CDKL4: variants seen among roughly 807,000 people sequenced by gnomAD.
The protein encoded by CDKL4 is cyclin-dependent kinase-like 4.
Under a neutral mutation model 42.0 loss-of-function variants are expected in CDKL4, and 44 were observed. The observed-to-expected ratio is 1.05, with a 90% CI of 0.82 to 1.35. The LOEUF is 1.35. CDKL4 is among the 40% of genes most tolerant of loss of function. CDKL4 has a pLI of 0.00. For missense variants in CDKL4, 393 were observed against 369.9 expected (o/e 1.06, Z -0.51); for synonymous variants, 120 against 121.6 (o/e 0.99, Z 0.09).
upstream of CDKL4, among the ~76,000 whole-genome samples, chr2:39,246,295 T>A (rs1397214581): frequency 1.3e-5 from 2 of 152,332 alleles, no homozygotes; most frequent in East Asian, 3.9e-4. Flanking sequence ...CCAAATACAC[T>A]TCCACTAAAG....
chr2:39,221,743 G>C (rs985545872), intron 3 of CDKL4, among the ~76,000 whole-genome samples: 10 of 152,236 alleles, frequency 6.6e-5, no homozygotes, highest in Non-Finnish European at 1.5e-4. Context: ...CAGAGGAGTT[G>C]CTTGAACATG....
chr2:39,219,757 G>A (rs1029605417), intron 3 of CDKL4, among the ~76,000 whole-genome samples: 2 of 152,096 alleles, frequency 1.3e-5, no homozygotes, highest in African/African-American at 2.4e-5. Context: ...GAGGCCATCT[G>A]GAATAAAATG....
intron 3 of CDKL4, among the ~76,000 whole-genome samples, chr2:39,220,856 G>T (rs1976594): frequency 2.6e-5 from 4 of 151,436 alleles, no homozygotes; most frequent in East Asian, 2.0e-4. Context: ...CAAAGTGCTG[G>T]GATTACAGGC....
At chr2:39,244,447 C>G (rs970527664), upstream of CDKL4, among the ~76,000 whole-genome samples, 4 of 152,208 alleles carry the variant, frequency 2.6e-5, no homozygotes, top group South Asian at 2.1e-4. Flanking sequence ...TGTAATGGGT[C>G]CCCCAGCAGT....
chr2:39,174,013 A>G (rs1404472188), downstream of CDKL4, among the ~76,000 whole-genome samples: 1 of 151,734 alleles, frequency 6.6e-6, no homozygotes, highest in African/African-American at 2.4e-5. Flanking sequence ...CAAATCTGAA[A>G]AGGCATATTC....
chr2:39,201,978 T>A (rs557625096), intron 5 of CDKL4, among the ~76,000 whole-genome samples: 62 of 152,206 alleles, frequency 4.1e-4, no homozygotes, highest in Middle Eastern at 3.4e-3. Flanking sequence ...ACACATGTAA[T>A]CCCAGCACTT....
intron 9 of CDKL4, 62 bp from the exon 10 acceptor site, chr2:39,176,158 T>C: frequency 2.4e-6 from 1 of 416,002 alleles, no homozygotes; most frequent in Non-Finnish European, 4.9e-6. Context: ...TTTGTACAGT[T>C]TGATTGAAAG....
intron 1 of CDKL4, among the ~76,000 whole-genome samples, chr2:39,237,463 A>G (rs1679433212): frequency 6.6e-6 from 1 of 152,208 alleles, no homozygotes; most frequent in Non-Finnish European, 1.5e-5. Context: ...AAGACTGGAA[A>G]AAAGATGTTT....
At chr2:39,221,826 C>T (rs1440885412) in intron 3 of CDKL4, among the ~76,000 whole-genome samples, 1 of 152,180 alleles carries the variant, frequency 6.6e-6, no homozygotes, top group East Asian at 1.9e-4. Flanking sequence ...TTTTCAAAGC[C>T]CAAATGCTGC....
intron 5 of CDKL4, among the ~76,000 whole-genome samples, chr2:39,199,529 T>C (rs1319133244): frequency 2.6e-5 from 4 of 151,592 alleles, no homozygotes; most frequent in Non-Finnish European, 5.9e-5. Context: ...GAAAAGGACA[T>C]AACAAAAAAA....
At chr2:39,174,989 G>A (rs746543718), downstream of CDKL4, among the ~76,000 whole-genome samples, 2 of 152,038 alleles carry the variant, frequency 1.3e-5, no homozygotes, top group Non-Finnish European at 2.9e-5. Context: ...AAGTTTGGTT[G>A]GGAAAATATC....
chr2:39,201,820 T>C (rs1284151743), intron 5 of CDKL4, among the ~76,000 whole-genome samples: 1 of 152,056 alleles, frequency 6.6e-6, no homozygotes, highest in African/African-American at 2.4e-5. Flanking sequence ...ACAATGGACT[T>C]TGGGGACTCA....
chr2:39,191,520 A>C (rs1455962202), intron 5 of CDKL4, among the ~76,000 whole-genome samples: 1 of 152,252 alleles, frequency 6.6e-6, no homozygotes. Flanking sequence ...GTGAGAAAAT[A>C]GATTTCTGTT....
At chr2:39,174,972 G>A (rs754055886), downstream of CDKL4, among the ~76,000 whole-genome samples, 14 of 152,132 alleles carry the variant, frequency 9.2e-5, no homozygotes, top group Non-Finnish European at 2.9e-5. Context: ...ATATACGTAT[G>A]TATGTCAAGT....
At chr2:39,190,231 T>C in intron 6 of CDKL4, 74 bp downstream of exon 6, 1 of 983,658 alleles carries the variant, frequency 1.0e-6, no homozygotes, top group Non-Finnish European at 1.4e-6. Context: ...TTTTATTTAT[T>C]TATTTTTTAT....
intron 5 of CDKL4, among the ~76,000 whole-genome samples, chr2:39,196,991 G>T (rs759834332): frequency 2.0e-5 from 3 of 152,082 alleles, no homozygotes; most frequent in Non-Finnish European, 2.9e-5. Context: ...CTCTGAATTG[G>T]CAGAAAAAGA....
chr2:39,203,643 C>G (rs1676986708), intron 5 of CDKL4, among the ~76,000 whole-genome samples: 1 of 152,120 alleles, frequency 6.6e-6, no homozygotes, highest in South Asian at 2.1e-4. Flanking sequence ...TAAACATTTT[C>G]CGATGCCACT....
chr2:39,198,726 C>T (rs1676669791), intron 5 of CDKL4, among the ~76,000 whole-genome samples: 1 of 152,124 alleles, frequency 6.6e-6, no homozygotes, highest in South Asian at 2.1e-4. Flanking sequence ...TGACCTGCTC[C>T]TGAATGATTG....
At chr2:39,187,516 G>T in intron 7 of CDKL4, 111 bp downstream of exon 7, 1 of 760,326 alleles carries the variant, frequency 1.3e-6, no homozygotes, top group Non-Finnish European at 2.1e-6. Context: ...CTGCACTCCA[G>T]CCTTGGTGAC....
Sources: allele counts gnomAD v4.1 joint callset (sites outside exome capture counted in the v4.1 genomes callset), GRCh38; gene constraint gnomAD v4.1.1; transcripts MANE v1.5; gene names NCBI Gene and HGNC (gene_info 2026-07-23, HGNC 2026-07-21).